CLVS1: variants seen among roughly 807,000 people sequenced by gnomAD.
The protein encoded by CLVS1 is clavesin 1.
Under a neutral mutation model 33.1 loss-of-function variants are expected in CLVS1, and 10 were observed. The observed-to-expected ratio is 0.30, with a 90% CI of 0.19 to 0.51. CLVS1 has a LOEUF of 0.51. Among genes scored for constraint, CLVS1 ranks in the 20% least tolerant of loss-of-function variants. The probability of loss-of-function intolerance (pLI) is 0.97; values close to 1 mark genes in which losing one functional copy is unlikely to be tolerated. For missense variants in CLVS1, 343 were observed against 433.4 expected (o/e 0.79, Z 1.85); for synonymous variants, 163 against 166.1 (o/e 0.98, Z 0.14).
intron 2 of CLVS1, among the ~76,000 whole-genome samples, chr8:61,352,925 A>AT (rs1812530936): frequency 6.6e-6 from 1 of 152,058 alleles, no homozygotes; most frequent in Non-Finnish European, 1.5e-5. Flanking sequence ...GTTATATGTA[A>AT]ATACTATACC....
chr8:61,482,281 T>G (rs1238112355), intron 5 of CLVS1, among the ~76,000 whole-genome samples: 1 of 152,164 alleles, frequency 6.6e-6, no homozygotes, highest in Non-Finnish European at 1.5e-5. Context: ...ATTCTAAAAA[T>G]CAGAGTGCCT....
intron 2 of CLVS1, among the ~76,000 whole-genome samples, chr8:61,354,613 C>A (rs1812612187): frequency 6.6e-6 from 1 of 152,074 alleles, no homozygotes; most frequent in Non-Finnish European, 1.5e-5. Flanking sequence ...GCTAAAAAAA[C>A]TGGTACATCC....
chr8:61,024,625 A>G, the CLVS1 span, among the ~76,000 whole-genome samples: 3 of 152,010 alleles, frequency 2.0e-5, no homozygotes, highest in Non-Finnish European at 4.4e-5. Flanking sequence ...CTCTCCCCCC[A>G]GTCAAGTGTT....
chr8:61,246,499 A>G (rs759392359), intron 2 of CLVS1, among the ~76,000 whole-genome samples: 16 of 152,060 alleles, frequency 1.1e-4, no homozygotes, highest in Non-Finnish European at 1.9e-4. Context: ...TTATTGTTAT[A>G]TATTTTAGTT....
the CLVS1 span, among the ~76,000 whole-genome samples, chr8:61,047,840 C>T: frequency 6.6e-6 from 1 of 151,938 alleles, no homozygotes; most frequent in African/African-American, 2.4e-5. Context: ...ATACCTAATG[C>T]TAAATGACGA....
chr8:61,125,351 A>G (rs1476405087), intron 1 of CLVS1, among the ~76,000 whole-genome samples: 1 of 152,174 alleles, frequency 6.6e-6, no homozygotes, highest in East Asian at 1.9e-4. Flanking sequence ...GGAGAGCAGG[A>G]CAGGTTGTGG....
At chr8:61,254,853 A>C (rs1258585299) in intron 2 of CLVS1, among the ~76,000 whole-genome samples, 2 of 152,052 alleles carry the variant, frequency 1.3e-5, no homozygotes, top group African/African-American at 4.8e-5. Context: ...GAATTCCCCA[A>C]CCCCTTGAAC....
chr8:61,445,354 G>C (rs1403257532), intron 3 of CLVS1, among the ~76,000 whole-genome samples: 1 of 152,136 alleles, frequency 6.6e-6, no homozygotes, highest in Non-Finnish European at 1.5e-5. Flanking sequence ...GTGGGTCATG[G>C]GGGTGGATCC....
At chr8:61,175,035 A>T (rs1807088568) in intron 2 of CLVS1, among the ~76,000 whole-genome samples, 1 of 152,142 alleles carries the variant, frequency 6.6e-6, no homozygotes, top group Non-Finnish European at 1.5e-5. Flanking sequence ...AAGTCCTAGG[A>T]TGTTGAGGTC....
chr8:60,995,697 A>G, the CLVS1 span, among the ~76,000 whole-genome samples: 3 of 152,346 alleles, frequency 2.0e-5, no homozygotes, highest in South Asian at 2.1e-4. Context: ...ATGCTGCTAT[A>G]AAGACACACG....
At chr8:61,319,036 A>C (rs945107448) in intron 2 of CLVS1, among the ~76,000 whole-genome samples, 2 of 152,088 alleles carry the variant, frequency 1.3e-5, no homozygotes, top group Admixed American at 6.6e-5. Flanking sequence ...TTATCTTTGA[A>C]TATTTTAAAC....
intron 2 of CLVS1, among the ~76,000 whole-genome samples, chr8:61,165,913 T>C (rs1806852948): frequency 6.6e-6 from 1 of 152,116 alleles, no homozygotes; most frequent in Non-Finnish European, 1.5e-5. Flanking sequence ...TTTCCATCAA[T>C]GGAAACATAC....
the CLVS1 span, among the ~76,000 whole-genome samples, chr8:60,996,902 C>T: frequency 1.9e-4 from 29 of 152,112 alleles, no homozygotes; most frequent in Middle Eastern, 3.4e-3. Context: ...AGAGGCACAC[C>T]ACTGAGGCAA....
At chr8:61,016,700 G>T in the CLVS1 span, among the ~76,000 whole-genome samples, 2 of 152,204 alleles carry the variant, frequency 1.3e-5, no homozygotes, top group Non-Finnish European at 2.9e-5. Context: ...ATGTGTGTGT[G>T]CTTGCATTTG....
chr8:61,486,594 G>A (rs1803892817), intron 5 of CLVS1, among the ~76,000 whole-genome samples: 1 of 152,222 alleles, frequency 6.6e-6, no homozygotes, highest in Non-Finnish European at 1.5e-5. Flanking sequence ...GAAGTGTAGT[G>A]TTGAAAATGG....
intron 3 of CLVS1, among the ~76,000 whole-genome samples, chr8:61,404,040 G>A (rs567282085): frequency 6.6e-6 from 1 of 152,344 alleles, no homozygotes; most frequent in African/African-American, 2.4e-5. Context: ...AATAAGCAGA[G>A]TGAGTTTGTG....
the CLVS1 span, among the ~76,000 whole-genome samples, chr8:60,971,461 A>G: frequency 6.6e-6 from 1 of 152,178 alleles, no homozygotes; most frequent in East Asian, 1.9e-4. Context: ...AAGGACAGTA[A>G]TGCTCACTTT....
chr8:61,155,322 C>T (rs6981406), intron 2 of CLVS1, among the ~76,000 whole-genome samples: 81,051 of 151,956 alleles, frequency 0.53, 22,512 homozygotes, highest in Middle Eastern at 0.72. Context: ...ACAAACAACC[C>T]GCAAGAAAAT....
At chr8:61,179,693 C>G (rs1038271971) in intron 2 of CLVS1, among the ~76,000 whole-genome samples, 5 of 152,164 alleles carry the variant, frequency 3.3e-5, no homozygotes, top group Admixed American at 3.3e-4. Context: ...GAAACTTACT[C>G]AAAACCACAC....
Sources: gnomAD v4.1 joint callset for allele counts (sites outside exome capture counted in the v4.1 genomes callset) on GRCh38, gnomAD v4.1.1 for gene constraint, MANE v1.5 for transcripts, NCBI Gene and HGNC (gene_info 2026-07-23, HGNC 2026-07-21) for gene names.